PTPRK: variants seen among roughly 807,000 people sequenced by gnomAD.
PTPRK encodes receptor-type tyrosine-protein phosphatase kappa.
A neutral mutation model predicts 178.0 loss-of-function variants in PTPRK; 75 were observed. The observed-to-expected ratio is 0.42, with a 90% CI of 0.35 to 0.51. PTPRK has a LOEUF of 0.51. Among genes scored for constraint, PTPRK ranks in the 20% least tolerant of loss-of-function variants. The probability of loss-of-function intolerance (pLI) is 0.02; values close to 1 mark genes in which losing one functional copy is unlikely to be tolerated. For missense variants in PTPRK, 1,441 were observed against 1,797.8 expected (o/e 0.80, Z 3.59); for synonymous variants, 637 against 620.6 (o/e 1.03, Z -0.39).
chr6:128,351,400 T>C (rs1833113136), intron 2 of PTPRK, among the ~76,000 whole-genome samples: 1 of 152,142 alleles, frequency 6.6e-6, no homozygotes, highest in African/African-American at 2.4e-5. Context: ...TCCTTAAATA[T>C]CTGAAGGAAC....
intron 1 of PTPRK, among the ~76,000 whole-genome samples, chr6:128,502,619 T>C (rs964065502): frequency 6.6e-6 from 1 of 152,194 alleles, no homozygotes; most frequent in African/African-American, 2.4e-5. Flanking sequence ...GAAAGTCAGT[T>C]GCTAAAATGT....
rs188402884 is a variant in PTPRK at position 127,998,022 on chromosome 6, G to A, written c.2679+698C>T. ...CCCAGATTGGTATTTCTCAGTAAGT[G>A]AAGGGTGGCAAAGGAACTATTTTCC... On this transcript the variant is annotated intron_variant, in intron 16 of 29. Coordinates refer to ENST00000368226, the MANE Select transcript of PTPRK (RefSeq NM_002844.4). Among the ~76,000 whole-genome samples the A allele has an allele frequency of 9.9e-5, 15 of 152,186 alleles. No individual in the cohort carries two copies. The East Asian group carries it at 2.3e-3, about 24-fold the overall frequency.
intron 7 of PTPRK, among the ~76,000 whole-genome samples, chr6:128,107,512 G>A (rs956839926): frequency 2.6e-5 from 4 of 152,104 alleles, no homozygotes; most frequent in African/African-American, 9.7e-5. Context: ...TGTAAAAAGT[G>A]ATGGAGAAAT....
At chr6:128,069,909 G>C (rs1782526072) in intron 11 of PTPRK, among the ~76,000 whole-genome samples, 1 of 152,028 alleles carries the variant, frequency 6.6e-6, no homozygotes, top group Non-Finnish European at 1.5e-5. Context: ...TAGGCTCTTT[G>C]GGAAAGAGCC....
chr6:128,116,669 T>G (rs1323088426), intron 7 of PTPRK, among the ~76,000 whole-genome samples: 1 of 152,228 alleles, frequency 6.6e-6, no homozygotes, highest in African/African-American at 2.4e-5. Flanking sequence ...TTGTGGAATT[T>G]GTTATATTCC....
intron 7 of PTPRK, among the ~76,000 whole-genome samples, chr6:128,090,952 C>T (rs115875170): frequency 0.013 from 2,004 of 152,216 alleles, 44 homozygotes; most frequent in African/African-American, 0.045. Context: ...AAATGGAAAT[C>T]AGTAGGGAAA....
chr6:127,990,759 G>A lies in PTPRK; in HGVS notation c.3096+10C>T. 6.5e-7 allele frequency: 1 copy of A among 1,529,942 alleles called. No homozygotes were observed. Among genetic ancestry groups the A allele is most frequent in the South Asian group, 1.2e-5 (1 of 86,322 alleles). The allele number at this position is 1,529,942 out of a possible 1,614,324, so 94.8% of individuals were successfully genotyped here. On this transcript the variant is annotated intron_variant, in intron 21 of 29. Transcript: ENST00000368226. ...TATCACTTTTTAAAATAGAATTTTA[G>A]AGTACTTACCCTTTCCAGGGTGAAT...
At chr6:128,130,099 C>G (rs1014762532) in intron 7 of PTPRK, among the ~76,000 whole-genome samples, 3 of 152,114 alleles carry the variant, frequency 2.0e-5, no homozygotes, top group African/African-American at 7.2e-5. Context: ...AGAATGTTTT[C>G]AGATGACAAT....
chr6:127,981,653 C>A (rs1433900378), intron 24 of PTPRK, among the ~76,000 whole-genome samples: 1 of 152,084 alleles, frequency 6.6e-6, no homozygotes, highest in Admixed American at 6.5e-5. Flanking sequence ...TCTGGGCTTG[C>A]CATATTTGAA....
intron 3 of PTPRK, among the ~76,000 whole-genome samples, chr6:128,286,716 T>C (rs1000505281): frequency 1.3e-5 from 2 of 152,218 alleles, no homozygotes; most frequent in Non-Finnish European, 2.9e-5. Context: ...CTGGATATTG[T>C]TGTATTCCTT....
chr6:128,306,599 G>T (rs532277393), intron 3 of PTPRK, among the ~76,000 whole-genome samples: 4 of 152,070 alleles, frequency 2.6e-5, no homozygotes, highest in Admixed American at 2.0e-4. Context: ...TTCAAGGCTA[G>T]CTTGGTCAAC....
At chr6:128,473,867 CAT>C (rs1185076866) in intron 1 of PTPRK, among the ~76,000 whole-genome samples, 1 of 151,912 alleles carries the variant, frequency 6.6e-6, no homozygotes, top group Non-Finnish European at 1.5e-5. Context: ...AATGAGCATC[CAT>C]TTCTATAATA....
chr6:128,146,929 G>A (rs557669625), intron 7 of PTPRK, among the ~76,000 whole-genome samples: 44 of 152,136 alleles, frequency 2.9e-4, no homozygotes, highest in African/African-American at 1.1e-3. Context: ...TCATATAATT[G>A]CTTCACTTAG....
chr6:128,471,422 G>A (rs1850635683), intron 1 of PTPRK, among the ~76,000 whole-genome samples: 1 of 151,590 alleles, frequency 6.6e-6, no homozygotes, highest in South Asian at 2.1e-4. Flanking sequence ...GAGAAGAAAA[G>A]GCTCAGACAA....
At chr6:128,413,296 G>A (rs116792306) in intron 1 of PTPRK, among the ~76,000 whole-genome samples, 2,700 of 152,082 alleles carry the variant, frequency 0.018, 106 homozygotes, top group African/African-American at 0.062. Context: ...GGGCATAAGA[G>A]AACATTCGCT....
Position 128,397,697 on chromosome 6 carries a change from AAAG to A in PTPRK, c.101-12_101-10del. 2 of 1,612,414 alleles carry A rather than the reference AAAG, an allele frequency of 1.2e-6. No homozygotes were observed. The highest frequency in any genetic ancestry group is 2.2e-5 in the South Asian group (2 of 91,022). ...ATCAAAAGTACAGCCACCTAGGAGA[AAAG>A]AAGACTACTGTTACATTCTAAACAG... On this transcript the variant is annotated splice_polypyrimidine_tract_variant and intron_variant, in intron 1 of 29. Coordinates refer to ENST00000368226, the MANE Select transcript of PTPRK (RefSeq NM_002844.4).
chr6:128,149,585 G>C (rs1199376481), intron 7 of PTPRK, among the ~76,000 whole-genome samples: 1 of 151,940 alleles, frequency 6.6e-6, no homozygotes, highest in Admixed American at 6.6e-5. Context: ...GTTATTTCTT[G>C]ATTTATTTTC....
intron 7 of PTPRK, among the ~76,000 whole-genome samples, chr6:128,133,203 A>G (rs186733292): frequency 6.6e-6 from 1 of 152,356 alleles, no homozygotes; most frequent in East Asian, 1.9e-4. Flanking sequence ...CTATATAACA[A>G]TATTAGTTTA....
At chr6:128,042,990 C>T (rs2114842826) in intron 13 of PTPRK, among the ~76,000 whole-genome samples, 1 of 152,074 alleles carries the variant, frequency 6.6e-6, no homozygotes, top group East Asian at 1.9e-4. Flanking sequence ...TCATTAGTCA[C>T]TTAATGCGAC....
Sources: gnomAD v4.1 joint callset for allele counts (sites outside exome capture counted in the v4.1 genomes callset) on GRCh38, gnomAD v4.1.1 for gene constraint, MANE v1.5 for transcripts, NCBI Gene and HGNC (gene_info 2026-07-23, HGNC 2026-07-21) for gene names.